The following OR51A7 variants were observed in gnomAD, a reference collection of about 807,000 sequenced individuals.
OR51A7 encodes the protein olfactory receptor 51A7.
For missense variants in OR51A7, 409 were observed against 374.5 expected, an observed-to-expected ratio of 1.09 and a Z score of -0.76; for synonymous variants, 143 against 135.5, an observed-to-expected ratio of 1.05 and a Z score of -0.38.
rs540697263 is a variant in OR51A7 at position 4,908,051 on chromosome 11, G to C, written c.682G>C (p.Ala228Pro). 11 of 1,614,130 alleles carry C rather than the reference G, an allele frequency of 6.8e-6. No individual in the cohort carries two copies. Among genetic ancestry groups the C allele is most frequent in the South Asian group, 5.5e-5 (5 of 91,076 alleles). ...VLILKTILSI[A>P]SLAERLKALN... ...GATCTTGAAGACTATACTCAGCATT[G>C]CATCTTTGGCAGAGAGGCTTAAGGC... is the stretch of plus-strand genomic sequence containing the variant. The change falls in exon 2 of 2, where the codon GCA (alanine) becomes CCA (proline). Residue 228 changes from alanine (A) to proline (P), a missense_variant. Transcript: ENST00000641490.
intron 1 of OR51A7, among the ~76,000 whole-genome samples, chr11:4,904,688 A>G (rs1332120581): frequency 6.6e-6 from 1 of 152,136 alleles, no homozygotes; most frequent in African/African-American, 2.4e-5. Flanking sequence ...TGCTCTGTGT[A>G]AGAATGACTT....
Position 4,907,955 on chromosome 11 carries a change from G to A in OR51A7, c.586G>A (p.Val196Ile). 6.2e-7 allele frequency: 1 copy of A among 1,614,120 alleles called. No homozygotes were observed. The highest frequency in any genetic ancestry group is 8.5e-7 in the Non-Finnish European group (1 of 1,180,002). The change falls in exon 2 of 2, where the codon GTC (valine) becomes ATC (isoleucine). Residue 196 changes from valine to isoleucine, a missense_variant. Physicochemically the swap from Val to Ile is conservative, Grantham distance 29 (BLOSUM62 3). Coordinates refer to ENST00000641490, the MANE Select transcript of OR51A7 (RefSeq NM_001004749.2). ...GGCCTGCTCTGACAACAAGACCAAT[G>A]TCATCTATGGCTTCTTCATTGCTCT... ...KLACSDNKTN[V>I]IYGFFIALCT... is the part of the protein sequence containing the mutation.
rs1245348146 is a variant in OR51A7, at chr11:4,908,447, A to T, written c.*139A>T. ...CTATGTAGTGCAGAATTTATAATAAAGTTGAGAATATAACTGAACAGGATA... is the reference window on the plus strand; with the variant it reads ...CTATGTAGTGCAGAATTTATAATAATGTTGAGAATATAACTGAACAGGATA... On this transcript the variant is annotated 3_prime_UTR_variant, in exon 2 of 2. Coordinates refer to ENST00000641490, the MANE Select transcript of OR51A7 (RefSeq NM_001004749.2). 2.7e-6 allele frequency: 2 copies of T among 750,140 alleles called. No individual in the cohort carries two copies. The highest frequency in any genetic ancestry group is 5.4e-5 in the East Asian group (2 of 37,374). The allele number at this position is 750,140 out of a possible 1,614,324, so 46.5% of individuals were successfully genotyped here.
intron 1 of OR51A7, among the ~76,000 whole-genome samples, chr11:4,904,758 A>G (rs112242670): frequency 0.034 from 5,165 of 152,208 alleles, 125 homozygotes; most frequent in Non-Finnish European, 0.046. Flanking sequence ...GTTGCCAGAG[A>G]AAAAAAGGGA....
rs1395236728 is a variant in OR51A7 at position 4,908,251 on chromosome 11, G to T, written c.882G>T (p.Lys294Asn). 5.0e-6 allele frequency: 8 copies of T among 1,614,024 alleles called. No homozygotes were observed. The African/African-American group carries it at 1.1e-4, about 22-fold the overall frequency. Reference sequence around the variant, plus strand: ...TGAACCCCATTGTGTACTGTGTAAAGACTCGACAAATCTGGGAGAAGATCT... The same window carrying T: ...TGAACCCCATTGTGTACTGTGTAAATACTCGACAAATCTGGGAGAAGATCT... ...PLMNPIVYCV[K>N]TRQIWEKILG... The change falls in exon 2 of 2, where the codon AAG becomes AAT. Residue 294 changes from lysine to asparagine, a missense_variant. By Grantham distance (94) the Lys-to-Asn change is moderately conservative. Transcript: ENST00000641490.
At chr11:4,906,623 T>G (rs574673626) in intron 1 of OR51A7, among the ~76,000 whole-genome samples, 1 of 152,328 alleles carries the variant, frequency 6.6e-6, no homozygotes, top group Admixed American at 6.5e-5. Flanking sequence ...CTCTGATTAT[T>G]TTCTTAGACT....
chr11:4,907,736 T>C lies in OR51A7; in HGVS notation c.367T>C (p.Phe123Leu). ...SVLLIMSLDR[F>L]LAIHNPLRYS... ...ACTTCTAATTATGTCTTTGGACCGCTTTCTTGCCATTCACAATCCCTTAAG... is the reference window on the plus strand; with the variant it reads ...ACTTCTAATTATGTCTTTGGACCGCCTTCTTGCCATTCACAATCCCTTAAG... Residue 123 changes from phenylalanine to leucine, a missense_variant, in exon 2 of 2, where the codon TTT becomes CTT. Physicochemically the swap from Phe to Leu is conservative, Grantham distance 22. Coordinates refer to ENST00000641490, the MANE Select transcript of OR51A7 (RefSeq NM_001004749.2). 6.2e-7 allele frequency: 1 copy of C among 1,614,064 alleles called. No individual in the cohort carries two copies. Among genetic ancestry groups the C allele is most frequent in the South Asian group, 1.1e-5 (1 of 91,080 alleles).
In OR51A7 at chr11:4,908,449, T is replaced by A; in HGVS notation, c.*141T>A. The A allele has an allele frequency of 1.3e-6, 1 of 748,536 alleles. No individual in the cohort carries two copies. 46.4% of individuals were successfully genotyped at this position (748,536 alleles called of 1,614,324 possible). ...ATGTAGTGCAGAATTTATAATAAAG[T>A]TGAGAATATAACTGAACAGGATAGA... On this transcript the variant is annotated 3_prime_UTR_variant, in exon 2 of 2. Transcript: ENST00000641490.
In OR51A7 at chr11:4,907,991, C is replaced by A; in HGVS notation, c.622C>A (p.Leu208Met). 1 of 1,614,166 alleles carries A rather than the reference C, an allele frequency of 6.2e-7. No homozygotes were observed. Among genetic ancestry groups the A allele is most frequent in the Non-Finnish European group, 8.5e-7 (1 of 1,180,018 alleles). The change falls in exon 2 of 2, where the codon CTG becomes ATG. Residue 208 changes from leucine (L) to methionine (M), a missense_variant. Physicochemically the swap from Leu to Met is conservative, Grantham distance 15. Coordinates refer to ENST00000641490, the MANE Select transcript of OR51A7 (RefSeq NM_001004749.2). ...CTTCTTCATTGCTCTCTGTACTATG[C>A]TGGACTTGGCACTGATTGTTTTGTC... ...YGFFIALCTM[L>M]DLALIVLSYV...
In OR51A7 at chr11:4,908,293, T is replaced by C; in HGVS notation, c.924T>C (p.Asn308=). 2 of 1,613,888 alleles carry C rather than the reference T, an allele frequency of 1.2e-6. No homozygotes were observed. Among genetic ancestry groups the C allele is most frequent in the Non-Finnish European group, 1.7e-6 (2 of 1,179,818 alleles). ...IWEKILGKLL[N]VCGR is the part of the protein sequence containing the mutation. ...AGAAGATCTTGGGGAAGTTGCTTAA[T>C]GTATGTGGGAGATAAGAACTTGAAC... The change falls in exon 2 of 2, where the codon AAT becomes AAC. Residue 308 remains asparagine, a synonymous_variant. Coordinates refer to ENST00000641490, the MANE Select transcript of OR51A7 (RefSeq NM_001004749.2).
At position 4,907,827 on chromosome 11, in the gene OR51A7, T is replaced by C; in HGVS notation, c.458T>C (p.Ile153Thr). The change falls in exon 2 of 2, where the codon ATT (isoleucine) becomes ACT (threonine). Residue 153 changes from isoleucine (I) to threonine (T), a missense_variant. Physicochemically the swap from Ile to Thr is moderately conservative, Grantham distance 89 (BLOSUM62 -1). Transcript: ENST00000641490. ...KMGLILAIRS[I>T]LLVIPFPFTL... Reference sequence around the variant, plus strand: ...GGACTTATTTTAGCCATTAGGAGCATTCTCTTAGTGATTCCATTTCCCTTC... The same window carrying C: ...GGACTTATTTTAGCCATTAGGAGCACTCTCTTAGTGATTCCATTTCCCTTC... 6.2e-7 allele frequency: 1 copy of C among 1,613,884 alleles called. No individual in the cohort carries two copies. Among genetic ancestry groups the C allele is most frequent in the East Asian group, 2.2e-5 (1 of 44,862 alleles).
intron 1 of OR51A7, among the ~76,000 whole-genome samples, chr11:4,905,481 A>T (rs1048944799): frequency 3.3e-5 from 5 of 152,138 alleles, no homozygotes; most frequent in African/African-American, 1.2e-4. Flanking sequence ...AAGCTTCCAT[A>T]TAAAGGAGCT....
intron 1 of OR51A7, among the ~76,000 whole-genome samples, chr11:4,906,379 A>G (rs1189009847): frequency 6.6e-6 from 1 of 152,228 alleles, no homozygotes; most frequent in African/African-American, 2.4e-5. Context: ...CATTTTACAG[A>G]TTTAAAATAA....
chr11:4,904,062 A>G (rs1298095662), intron 1 of OR51A7, among the ~76,000 whole-genome samples: 2 of 152,138 alleles, frequency 1.3e-5, no homozygotes, highest in Non-Finnish European at 2.9e-5. Flanking sequence ...ATTAAAAAAT[A>G]TAAATTACTC....
chr11:4,905,834 T>A (rs574914771), intron 1 of OR51A7, among the ~76,000 whole-genome samples: 1 of 152,260 alleles, frequency 6.6e-6, no homozygotes, highest in African/African-American at 2.4e-5. Context: ...ATATTTTACT[T>A]CTGAAAGTAA....
At position 4,908,595 on chromosome 11, in the gene OR51A7, A is replaced by C; in HGVS notation, c.*287A>C. 1 of 443,110 alleles carries C rather than the reference A, an allele frequency of 2.3e-6. No individual in the cohort carries two copies. The highest frequency in any genetic ancestry group is 4.2e-6 in the Non-Finnish European group (1 of 240,930). 27.4% of individuals were successfully genotyped at this position (443,110 alleles called of 1,614,324 possible). A position where few individuals can be genotyped will look rare whatever the true frequency, so the allele number is the denominator to read the frequency against. On this transcript the variant is annotated 3_prime_UTR_variant, in exon 2 of 2. Transcript: ENST00000641490. ...AGTCAACCCATAAAGAATGAATACA[A>C]TTTGGGCAGATTGAGATTACCATTC...
chr11:4,908,979 G>T lies in OR51A7; in HGVS notation c.*671G>T, dbSNP rs1034797846. 1.3e-5 allele frequency: 2 copies of T among 152,460 alleles called. No individual in the cohort carries two copies. Among genetic ancestry groups the T allele is most frequent in the African/African-American group, 4.8e-5 (2 of 41,442 alleles). The allele number at this position is 152,460 out of a possible 1,614,324, so 9.4% of individuals were successfully genotyped here. On this transcript the variant is annotated 3_prime_UTR_variant, in exon 2 of 2. Coordinates refer to ENST00000641490, the MANE Select transcript of OR51A7 (RefSeq NM_001004749.2). ...AGTGATGACTCAGAATAGGCAGGGA[G>T]AGAACAAGATCATTTAGCTGCTGTT...
rs1471072535 is a variant in OR51A7, at chr11:4,907,409, C to G, written c.40C>G (p.Leu14Val). The stretch of plus-strand genomic sequence containing the variant: ...TAACTCCGAAGTCAAGCTTTTCCTT[C>G]TGATTGGGATCCCAGGACTGGAACA... ...LNNSEVKLFL[L>V]IGIPGLEHAH... The change falls in exon 2 of 2, where the codon CTG becomes GTG. Residue 14 changes from leucine to valine, a missense_variant. Physicochemically the swap from Leu to Val is conservative, Grantham distance 32. Coordinates refer to ENST00000641490, the MANE Select transcript of OR51A7 (RefSeq NM_001004749.2). 2 of 1,613,878 alleles carry G rather than the reference C, an allele frequency of 1.2e-6. No homozygotes were observed. The highest frequency in any genetic ancestry group is 3.3e-5 in the Admixed American group (2 of 59,994).
In OR51A7 at chr11:4,907,581, T is replaced by A; in HGVS notation, c.212T>A (p.Met71Lys). The change falls in exon 2 of 2, where the codon ATG becomes AAG. Residue 71 changes from methionine to lysine, a missense_variant. By Grantham distance (95) the Met-to-Lys change is moderately conservative (BLOSUM62 -1). Coordinates refer to ENST00000641490, the MANE Select transcript of OR51A7 (RefSeq NM_001004749.2). Reference protein sequence around the residue: ...YFLAMLAVSDMGLSLSSLPTM... With the variant: ...YFLAMLAVSDKGLSLSSLPTM... ...CTTGCCATGTTGGCTGTCTCTGACA[T>A]GGGCCTGTCCCTCTCCTCCCTTCCT... 6.2e-7 allele frequency: 1 copy of A among 1,614,106 alleles called. No individual in the cohort carries two copies. Among genetic ancestry groups the A allele is most frequent in the South Asian group, 1.1e-5 (1 of 91,082 alleles).
Sources: allele counts gnomAD v4.1 joint callset (sites outside exome capture counted in the v4.1 genomes callset), GRCh38; gene constraint gnomAD v4.1.1; transcripts MANE v1.5; gene names NCBI Gene and HGNC (gene_info 2026-07-23, HGNC 2026-07-21).